Variants in IFIT3 observed in about 807,000 individuals in gnomAD.
IFIT3 encodes interferon-induced protein with tetratricopeptide repeats 3.
A neutral mutation model predicts 2.4 loss-of-function variants in IFIT3; 2 were observed. The ratio of observed to expected loss-of-function variants is 0.82; its 90% CI spans 0.34 to 2.60. The LOEUF is 2.60. IFIT3 is among the 30% of genes most tolerant of loss of function. The pLI, the probability that IFIT3 is intolerant of heterozygous loss-of-function variation, is 0.11. For synonymous variants in IFIT3, 203 were observed against 212.1 expected, an observed-to-expected ratio of 0.96 and a Z score of 0.37; for missense variants, 481 against 562.4, an observed-to-expected ratio of 0.86 and a Z score of 1.46.
chr10:89,332,765 C>A (rs1283221077), intron 1 of IFIT3: 7 of 920,338 alleles, frequency 7.6e-6, no homozygotes, highest in Non-Finnish European at 1.2e-5. Context: ...CCAATTCATG[C>A]ATTTTTATTT....
chr10:89,340,052 G>A lies in IFIT3; in HGVS notation c.1397G>A (p.Gly466Asp). The A allele has an allele frequency of 6.2e-7, 1 of 1,614,184 alleles. No individual in the cohort carries two copies. Among genetic ancestry groups the A allele is most frequent in the Non-Finnish European group, 8.5e-7 (1 of 1,180,008 alleles). ...CTGTCAGCATCTGAGCTTGAGGATG[G>A]TAGTGAGGAAATGGGCCAGGGCGCA... ...IFLSASELED[G>D]SEEMGQGAVS... Residue 466 changes from glycine to aspartate, a missense_variant, in exon 2 of 2, where the codon GGT becomes GAT. Transcript: ENST00000371818.
chr10:89,340,150 A>G lies in IFIT3; in HGVS notation c.*22A>G, dbSNP rs771967598. On this transcript the variant is annotated 3_prime_UTR_variant, in exon 2 of 2. Coordinates refer to ENST00000371818, the MANE Select transcript of IFIT3 (RefSeq NM_001549.6). Reference sequence around the variant, plus strand: ...CTGAGACAGAGGAGGAAAACAGAGCATCAGAAGCCTGCAGTGGTGGTTGTG... The same window carrying G: ...CTGAGACAGAGGAGGAAAACAGAGCGTCAGAAGCCTGCAGTGGTGGTTGTG... 17 of 1,553,128 alleles carry G rather than the reference A, an allele frequency of 1.1e-5. No individual in the cohort carries two copies. The South Asian group carries it at 1.7e-4, about 16-fold the overall frequency.
At chr10:89,334,423 T>C (rs1179750757) in intron 1 of IFIT3, among the ~76,000 whole-genome samples, 1 of 149,272 alleles carries the variant, frequency 6.7e-6, no homozygotes, top group Non-Finnish European at 1.5e-5. Context: ...GGCATTCTAC[T>C]CCCCAAGTTT....
intron 1 of IFIT3, chr10:89,332,386 G>T (rs1843663270): frequency 2.1e-6 from 2 of 972,532 alleles, no homozygotes; most frequent in South Asian, 2.7e-5. Flanking sequence ...TTCCAAATCT[G>T]TCTGGAACAT....
chr10:89,338,778 G>C lies in IFIT3; in HGVS notation c.123G>C (p.Gln41His). ...ATCTAGAAGATAGAGTGTGTAACCA[G>C]ATTGAATTTTTAAACACTGAGTTCA... is the stretch of plus-strand genomic sequence containing the variant. ...SRDLEDRVCN[Q>H]IEFLNTEFKA... Residue 41 changes from glutamine (Q) to histidine (H), a missense_variant, in exon 2 of 2, where the codon CAG becomes CAC. Gln to His is a conservative substitution (Grantham distance 24). Transcript: ENST00000371818. 1 of 1,614,118 alleles carries C rather than the reference G, an allele frequency of 6.2e-7. No individual in the cohort carries two copies. Among genetic ancestry groups the C allele is most frequent in the Non-Finnish European group, 8.5e-7 (1 of 1,180,002 alleles).
chr10:89,333,252 T>C (rs1564788797), intron 1 of IFIT3, among the ~76,000 whole-genome samples: 2 of 152,138 alleles, frequency 1.3e-5, no homozygotes, highest in Non-Finnish European at 2.9e-5. Flanking sequence ...GTTCTGCGAG[T>C]GGCCTGAATC....
At position 89,337,662 on chromosome 10, in the gene IFIT3, G is replaced by C. The variant is rs553519998; in HGVS notation, c.6-999G>C. On this transcript the variant is annotated intron_variant, in intron 1 of 1. Coordinates refer to ENST00000371818, the MANE Select transcript of IFIT3 (RefSeq NM_001549.6). ...GATCCACCCGCCTTGGCCTCCCAAA[G>C]TGCTAGGACTACAGGCATGAGTCAC... Among the ~76,000 whole-genome samples, 117 of 152,334 alleles carry C rather than the reference G, an allele frequency of 7.7e-4. 1 individual carries two copies. Among genetic ancestry groups the C allele is most frequent in the African/African-American group, 2.7e-3 (114 of 41,570 alleles).
In IFIT3 at chr10:89,332,245, GA is replaced by G. The variant is rs374028276; in HGVS notation, c.5+4175del. 5.8e-3 allele frequency among the ~76,000 whole-genome samples: 875 copies of G among 152,096 alleles called. 3 individuals carry two copies. The highest frequency in any genetic ancestry group is 0.027 in the Middle Eastern group (8 of 294). On this transcript the variant is annotated intron_variant, in intron 1 of 1. Coordinates refer to ENST00000371818, the MANE Select transcript of IFIT3 (RefSeq NM_001549.6). ...CAAAGAGCAACAGTCATGCACCTGA[GA>G]AAAAAAACAGTCACGTTACGTGAGT...
Position 89,340,557 on chromosome 10 carries a change from C to CAAAAAAAAAAAAAAAAAAAAAAAAA in IFIT3, c.*453_*454insAAAAAAAAAAAAAAAAAAAAAAAAA. ...TGGGCAACAGAGCAAGACTCCATCT[C>CAAAAAAAAAAAAAAAAAAAAAAAAA]AAAAAAAAAAAAAAAAAAAAAAAAG... On this transcript the variant is annotated 3_prime_UTR_variant, in exon 2 of 2. Coordinates refer to ENST00000371818, the MANE Select transcript of IFIT3 (RefSeq NM_001549.6). The CAAAAAAAAAAAAAAAAAAAAAAAAA allele has an allele frequency of 1.6e-5, 1 of 60,626 alleles. No individual in the cohort carries two copies. The highest frequency in any genetic ancestry group is 3.2e-5 in the Non-Finnish European group (1 of 31,054). 3.8% of individuals were successfully genotyped at this position (60,626 alleles called of 1,614,324 possible). A position where few individuals can be genotyped will look rare whatever the true frequency, so the allele number is the denominator to read the frequency against.
At chr10:89,336,659 T>C (rs1180807939) in intron 1 of IFIT3, among the ~76,000 whole-genome samples, 1 of 152,232 alleles carries the variant, frequency 6.6e-6, no homozygotes, top group Non-Finnish European at 1.5e-5. Context: ...GCAAGGAAAA[T>C]TCTTTCTTTT....
At chr10:89,329,350 CTG>C (rs1005778813) in intron 1 of IFIT3, among the ~76,000 whole-genome samples, 3 of 152,134 alleles carry the variant, frequency 2.0e-5, no homozygotes, top group Admixed American at 1.3e-4. Flanking sequence ...TTAATTGTGT[CTG>C]TGTGAGTGGG....
Position 89,340,146 on chromosome 10 carries a change from G to A in IFIT3, c.*18G>A. The A allele has an allele frequency of 3.2e-6, 5 of 1,559,092 alleles. No individual in the cohort carries two copies. Among genetic ancestry groups the A allele is most frequent in the Non-Finnish European group, 4.3e-6 (5 of 1,152,810 alleles). Reference sequence around the variant, plus strand: ...TGAACTGAGACAGAGGAGGAAAACAGAGCATCAGAAGCCTGCAGTGGTGGT... The same window carrying A: ...TGAACTGAGACAGAGGAGGAAAACAAAGCATCAGAAGCCTGCAGTGGTGGT... On this transcript the variant is annotated 3_prime_UTR_variant, in exon 2 of 2. Coordinates refer to ENST00000371818, the MANE Select transcript of IFIT3 (RefSeq NM_001549.6).
intron 1 of IFIT3, chr10:89,332,584 G>C (rs1136861): frequency 3.7e-6 from 6 of 1,613,946 alleles, no homozygotes; most frequent in Non-Finnish European, 3.4e-6. Flanking sequence ...AAAATCAACC[G>C]GGACCCCAGC....
intron 1 of IFIT3, among the ~76,000 whole-genome samples, chr10:89,337,675 A>G (rs912470383): frequency 1.3e-5 from 2 of 152,220 alleles, no homozygotes; most frequent in African/African-American, 4.8e-5. Context: ...CTAGGACTAC[A>G]GGCATGAGTC....
intron 1 of IFIT3, among the ~76,000 whole-genome samples, chr10:89,336,531 G>GCGGTGTGAGGGC (rs1449591145): frequency 6.6e-6 from 1 of 152,202 alleles, no homozygotes. Flanking sequence ...ACTTGCAGTA[G>GCGGTGTGAGGGC]CGGTGTGAGG....
rs181337274 is a variant in IFIT3 at position 89,338,625 on chromosome 10, T to A, written c.6-36T>A. The stretch of plus-strand genomic sequence containing the variant: ...GATCACAGGGTGCAGTGCTTGGCAG[T>A]GTACATCACAGTGACCATGTTTATT... On this transcript the variant is annotated intron_variant, in intron 1 of 1. Coordinates refer to ENST00000371818, the MANE Select transcript of IFIT3 (RefSeq NM_001549.6). 3.1e-5 allele frequency: 49 copies of A among 1,579,904 alleles called. No homozygotes were observed. In the Admixed American group the frequency reaches 7.4e-4, roughly 24 times the overall value.
chr10:89,339,280 G>T lies in IFIT3; in HGVS notation c.625G>T (p.Val209Phe), dbSNP rs142127477. The T allele has an allele frequency of 1.9e-6, 3 of 1,614,012 alleles. No homozygotes were observed. Among genetic ancestry groups the T allele is most frequent in the Non-Finnish European group, 2.5e-6 (3 of 1,180,026 alleles). Residue 209 changes from valine (V) to phenylalanine (F), a missense_variant, in exon 2 of 2, where the codon GTC becomes TTC. Coordinates refer to ENST00000371818, the MANE Select transcript of IFIT3 (RefSeq NM_001549.6). Reference protein sequence around the residue: ...AIELSPDNQYVKVLLGLKLQK... With the variant: ...AIELSPDNQYFKVLLGLKLQK... Reference sequence around the variant, plus strand: ...TGAGCTGAGTCCTGATAACCAATACGTCAAGGTTCTCTTGGGCCTGAAACT... The same window carrying T: ...TGAGCTGAGTCCTGATAACCAATACTTCAAGGTTCTCTTGGGCCTGAAACT...
chr10:89,335,506 T>C (rs1843721177), intron 1 of IFIT3: 1 of 147,342 alleles, frequency 6.8e-6, no homozygotes. Flanking sequence ...TTTGGTAAGA[T>C]CCCTGGTGCA....
At chr10:89,329,881 G>T (rs1476669799) in intron 1 of IFIT3, among the ~76,000 whole-genome samples, 1 of 152,076 alleles carries the variant, frequency 6.6e-6, no homozygotes, top group Non-Finnish European at 1.5e-5. Flanking sequence ...AGGGAAGGGA[G>T]ATAGGGGTGG....
Sources: allele counts gnomAD v4.1 joint callset (sites outside exome capture counted in the v4.1 genomes callset), GRCh38; gene constraint gnomAD v4.1.1; transcripts MANE v1.5; gene names NCBI Gene and HGNC (gene_info 2026-07-23, HGNC 2026-07-21).